DLC1: variants seen among roughly 807,000 people sequenced by gnomAD.
DLC1 encodes rho GTPase-activating protein 7.
Under a neutral mutation model 140.3 loss-of-function variants are expected in DLC1, and 54 were observed. The observed-to-expected ratio is 0.38, with a 90% CI of 0.31 to 0.48. The LOEUF is 0.48. DLC1 is among the 20% of genes least tolerant of loss of function. The pLI is 0.96. For missense variants in DLC1, 2,536 were observed against 1,907.0 expected, an observed-to-expected ratio of 1.33 and a Z score of -6.14; for synonymous variants, 986 against 728.1, an observed-to-expected ratio of 1.35 and a Z score of -5.70.
Position 13,099,876 on chromosome 8 carries a change from C to T in DLC1, c.2461G>A (p.Ala821Thr), listed in dbSNP as rs377054673. Reference protein sequence around the residue: ...EDHKPGTFPKALTNGSFSPSG... With the variant: ...EDHKPGTFPKTLTNGSFSPSG... ...GGGGAGAAACTGCCATTGGTGAGAG[C>T]TTTGGGGAAAGTGCCAGGCTTGTGA... is the stretch of plus-strand genomic sequence containing the variant. Residue 821 changes from alanine (A) to threonine (T), a missense_variant, in exon 9 of 18, where the codon GCT becomes ACT. Coordinates refer to ENST00000276297, the MANE Select transcript of DLC1 (RefSeq NM_182643.3). The T allele has an allele frequency of 1.1e-4, 184 of 1,614,102 alleles. No individual in the cohort carries two copies. The highest frequency in any genetic ancestry group is 1.5e-4 in the Non-Finnish European group (182 of 1,180,054).
intron 2 of DLC1, among the ~76,000 whole-genome samples, chr8:13,478,883 G>T (rs775106014): frequency 2.6e-5 from 4 of 152,172 alleles, no homozygotes; most frequent in Non-Finnish European, 5.9e-5. Flanking sequence ...ATAAGCAGAT[G>T]CTCCCACAAA....
chr8:13,548,430 A>G (rs7008592), intron 1 of DLC1, among the ~76,000 whole-genome samples: 41,423 of 151,892 alleles, frequency 0.27, 6,071 homozygotes, highest in South Asian at 0.39. Flanking sequence ...ACAGAGGTGG[A>G]ATTTGGAGAG....
At chr8:13,116,191 A>G (rs759700219) in intron 5 of DLC1, 56 of 985,442 alleles carry the variant, frequency 5.7e-5, no homozygotes, top group Non-Finnish European at 6.4e-5. Flanking sequence ...ATCAGGTATT[A>G]ATCCAGTAGG....
chr8:13,420,269 A>C (rs987025896), intron 2 of DLC1, among the ~76,000 whole-genome samples: 3 of 152,088 alleles, frequency 2.0e-5, no homozygotes. Context: ...TAATGCTGGA[A>C]TGTAGTGTGT....
intron 5 of DLC1, among the ~76,000 whole-genome samples, chr8:13,277,801 A>G (rs1831229290): frequency 6.6e-6 from 1 of 152,176 alleles, no homozygotes; most frequent in African/African-American, 2.4e-5. Context: ...TTGCAAGATG[A>G]GATAATGTTG....
At chr8:13,308,966 A>G (rs936965352) in intron 4 of DLC1, among the ~76,000 whole-genome samples, 1 of 152,180 alleles carries the variant, frequency 6.6e-6, no homozygotes, top group Non-Finnish European at 1.5e-5. Flanking sequence ...AGCTGACTGT[A>G]TAGTATGGTA....
At chr8:13,221,433 C>T (rs1828543944) in intron 5 of DLC1, among the ~76,000 whole-genome samples, 1 of 150,646 alleles carries the variant, frequency 6.6e-6, no homozygotes, top group Non-Finnish European at 1.5e-5. Context: ...TGCAGTGGTG[C>T]AATCTCAGCT....
intron 5 of DLC1, among the ~76,000 whole-genome samples, chr8:13,210,592 C>T (rs1827890355): frequency 6.6e-6 from 1 of 152,158 alleles, no homozygotes; most frequent in African/African-American, 2.4e-5. Flanking sequence ...TCATTTACTA[C>T]ATTAAATCAA....
intron 2 of DLC1, among the ~76,000 whole-genome samples, chr8:13,408,936 A>G (rs1305522654): frequency 6.6e-6 from 1 of 152,194 alleles, no homozygotes; most frequent in African/African-American, 2.4e-5. Context: ...GAATATTATG[A>G]TGATCCTTCC....
intron 2 of DLC1, among the ~76,000 whole-genome samples, chr8:13,406,061 C>A (rs150648188): frequency 0.025 from 3,711 of 145,580 alleles, 168 homozygotes; most frequent in African/African-American, 0.09. Context: ...GGCTGGAGTG[C>A]AGTGGCACAA....
chr8:13,490,990 C>T (rs4642649), intron 2 of DLC1, among the ~76,000 whole-genome samples: 72 of 33,960 alleles, frequency 2.1e-3, no homozygotes, highest in Middle Eastern at 0.038. Flanking sequence ...TATATATATA[C>T]ACACACACAC....
At chr8:13,347,309 G>C (rs561658295) in intron 4 of DLC1, among the ~76,000 whole-genome samples, 11 of 152,316 alleles carry the variant, frequency 7.2e-5, no homozygotes, top group Non-Finnish European at 1.6e-4. Flanking sequence ...ACCACATTCA[G>C]TAATAATGGT....
Position 13,092,549 on chromosome 8 carries a change from G to A in DLC1, c.3740+63C>T, listed in dbSNP as rs554332281. The stretch of plus-strand genomic sequence containing the variant: ...AAGAGTCCCACAAAACCACAGCTAC[G>A]GAGAGTCCTAGGAAGAATGTAGGCT... On this transcript the variant is annotated intron_variant, in intron 13 of 17. Coordinates refer to ENST00000276297, the MANE Select transcript of DLC1 (RefSeq NM_182643.3). 1.1e-4 allele frequency: 175 copies of A among 1,547,264 alleles called. No homozygotes were observed. In the East Asian group the frequency reaches 2.4e-3, roughly 21 times the overall value.
At chr8:13,359,436 A>G (rs58023311) in intron 4 of DLC1, among the ~76,000 whole-genome samples, 278 of 152,328 alleles carry the variant, frequency 1.8e-3, no homozygotes, top group African/African-American at 6.6e-3. Flanking sequence ...ATAAGTGAAA[A>G]GAGTCCAGTT....
At chr8:13,151,711 A>C (rs1322127746) in intron 5 of DLC1, among the ~76,000 whole-genome samples, 1 of 152,250 alleles carries the variant, frequency 6.6e-6, no homozygotes, top group Non-Finnish European at 1.5e-5. Context: ...GTATTTTTCA[A>C]ATGTATCAAA....
At chr8:13,149,427 A>G (rs1477595900) in intron 5 of DLC1, among the ~76,000 whole-genome samples, 1 of 152,188 alleles carries the variant, frequency 6.6e-6, no homozygotes, top group Non-Finnish European at 1.5e-5. Flanking sequence ...CGGACAAACT[A>G]TTTAACTCAA....
At chr8:13,580,936 T>A (rs896276032) in intron 1 of DLC1, among the ~76,000 whole-genome samples, 1 of 152,098 alleles carries the variant, frequency 6.6e-6, no homozygotes, top group Non-Finnish European at 1.5e-5. Flanking sequence ...ATGAACTGAG[T>A]CTTGCATGAT....
chr8:13,530,754 G>A (rs1376595129), intron 1 of DLC1, among the ~76,000 whole-genome samples: 3 of 152,060 alleles, frequency 2.0e-5, no homozygotes, highest in African/African-American at 4.8e-5. Flanking sequence ...AGTGTGTTCT[G>A]TCAAGATTTT....
At chr8:13,364,071 G>A (rs1346329425) in intron 4 of DLC1, among the ~76,000 whole-genome samples, 1 of 152,134 alleles carries the variant, frequency 6.6e-6, no homozygotes, top group Non-Finnish European at 1.5e-5. Flanking sequence ...ACGCATGCAT[G>A]TGACTTCAGC....
Sources: gnomAD v4.1 joint callset for allele counts (sites outside exome capture counted in the v4.1 genomes callset) on GRCh38, gnomAD v4.1.1 for gene constraint, MANE v1.5 for transcripts, NCBI Gene and HGNC (gene_info 2026-07-23, HGNC 2026-07-21) for gene names.